The following EFCAB6 variants were observed in gnomAD, a reference collection of about 807,000 sequenced individuals.
The protein encoded by EFCAB6 is EF-hand calcium binding domain 6.
In EFCAB6, 156 loss-of-function variants were observed where a neutral mutation model predicts 169.8. The ratio of observed to expected loss-of-function variants is 0.92; its 90% CI spans 0.81 to 1.05. The LOEUF is 1.05. Among genes scored for constraint, EFCAB6 ranks in the 50% least tolerant of loss-of-function variants. EFCAB6 has a pLI of 0.00. For synonymous variants in EFCAB6, 698 were observed against 676.4 expected (o/e 1.03, Z -0.50); for missense variants, 1,800 against 1,829.1 (o/e 0.98, Z 0.29).
chr22:43,665,760 G>T (rs1452077745), intron 17 of EFCAB6, among the ~76,000 whole-genome samples: 2 of 152,200 alleles, frequency 1.3e-5, no homozygotes, highest in African/African-American at 2.4e-5. Context: ...ATCTGGGAAT[G>T]ACTTAAAACA....
intron 23 of EFCAB6, 96 bp from the exon 24 acceptor site, chr22:43,590,325 G>A: frequency 7.2e-7 from 1 of 1,381,110 alleles, no homozygotes; most frequent in African/African-American, 1.4e-5. Context: ...GCAATGAGCT[G>A]ATGGCTCATC....
intron 4 of EFCAB6, 85 bp from the exon 5 acceptor site, chr22:43,765,478 T>C: frequency 1.0e-6 from 1 of 992,734 alleles, no homozygotes; most frequent in Non-Finnish European, 1.6e-6. Context: ...AAATCACAGC[T>C]CTCAGGATGT....
chr22:43,750,961 G>T (rs2060736354), intron 6 of EFCAB6, among the ~76,000 whole-genome samples: 1 of 152,118 alleles, frequency 6.6e-6, no homozygotes, highest in African/African-American at 2.4e-5. Flanking sequence ...AAAAACCTGT[G>T]TCAGATCACT....
At chr22:43,615,987 G>C (rs2053660515) in intron 20 of EFCAB6, 65 bp from the exon 21 acceptor site, 2 of 1,365,682 alleles carry the variant, frequency 1.5e-6, no homozygotes, top group South Asian at 2.6e-5. Flanking sequence ...TCTCCCAAGG[G>C]GTTTCCCTAT....
rs867662256 is a variant in EFCAB6 at position 43,784,624 on chromosome 22, C to T, written c.-7-2299G>A. ...ACACATATATATGTGTATATATACA[C>T]ATATATATGTATATGTACACATATA... On this transcript the variant is annotated intron_variant, in intron 2 of 31. Coordinates refer to ENST00000262726, the MANE Select transcript of EFCAB6 (RefSeq NM_022785.4). Among the ~76,000 whole-genome samples, 15 of 60,328 alleles carry T rather than the reference C, an allele frequency of 2.5e-4. 1 individual carries two copies. Among genetic ancestry groups the T allele is most frequent in the African/African-American group, 7.8e-4 (11 of 14,076 alleles). 39.6% of individuals were successfully genotyped at this position (60,328 alleles called of 152,430 possible).
intron 22 of EFCAB6, among the ~76,000 whole-genome samples, chr22:43,606,439 G>T (rs1049767750): frequency 1.3e-5 from 2 of 152,122 alleles, no homozygotes; most frequent in Non-Finnish European, 2.9e-5. Context: ...TGAAGAAAGG[G>T]TGTGTTAAAT....
At chr22:43,609,871 C>G (rs975219419) in intron 21 of EFCAB6, among the ~76,000 whole-genome samples, 3 of 152,130 alleles carry the variant, frequency 2.0e-5, no homozygotes, top group African/African-American at 4.8e-5. Flanking sequence ...ATCAGGGGAA[C>G]AGAATGAGGA....
Position 43,576,465 on chromosome 22 carries a change from C to A in EFCAB6, c.3252G>T (p.Glu1084Asp). 1.3e-6 allele frequency: 2 copies of A among 1,550,136 alleles called. No individual in the cohort carries two copies. Among genetic ancestry groups the A allele is most frequent in the Non-Finnish European group, 1.7e-6 (2 of 1,157,786 alleles). The change falls in exon 26 of 32, where the codon GAG becomes GAT. Residue 1084 changes from glutamate (E) to aspartate (D), a missense_variant. Transcript: ENST00000262726. ...LSTAFSALDK[E>D]DTGFVKATEF... ...CTGTAGCCTTTACAAATCCTGTATC[C>A]TCTTTATCCAATGCAGAAAATGCCT...
intron 23 of EFCAB6, among the ~76,000 whole-genome samples, chr22:43,593,177 C>T (rs1157450739): frequency 6.6e-6 from 1 of 152,152 alleles, no homozygotes; most frequent in Non-Finnish European, 1.5e-5. Flanking sequence ...TTTTTACAAG[C>T]CGATATTTTT....
Position 43,716,884 on chromosome 22 carries a change from G to A in EFCAB6, c.846C>T (p.Tyr282=). 6.2e-7 allele frequency: 1 copy of A among 1,603,530 alleles called. No individual in the cohort carries two copies. Among genetic ancestry groups the A allele is most frequent in the Non-Finnish European group, 8.5e-7 (1 of 1,175,482 alleles). Residue 282 remains tyrosine (Y), a synonymous_variant, in exon 9 of 32, where the codon TAC becomes TAT. Coordinates refer to ENST00000262726, the MANE Select transcript of EFCAB6 (RefSeq NM_022785.4). ...AGTTCCTCTCAATTTCATCCAAGGA[G>A]TAGTTTCTCCAGATATCTTCAGATG... ...SASSEDIWRN[Y]SLDEIERNFC...
intron 21 of EFCAB6, among the ~76,000 whole-genome samples, chr22:43,613,493 T>C (rs2053470051): frequency 6.6e-6 from 1 of 152,080 alleles, no homozygotes; most frequent in Admixed American, 6.6e-5. Flanking sequence ...TAACATCCTT[T>C]GAAAATTAAT....
At position 43,612,153 on chromosome 22, in the gene EFCAB6, C is replaced by T. The variant is rs116383090; in HGVS notation, c.2563-3553G>A. Reference sequence around the variant, plus strand: ...GGCCCCTTCCTTATAACAAATACCCCTTCCTTATAACAGAAAATAAACTCA... The same window carrying T: ...GGCCCCTTCCTTATAACAAATACCCTTTCCTTATAACAGAAAATAAACTCA... On this transcript the variant is annotated intron_variant, in intron 21 of 31. Transcript: ENST00000262726. 2.0e-3 allele frequency among the ~76,000 whole-genome samples: 311 copies of T among 152,252 alleles called. 2 individuals carry two copies. Among genetic ancestry groups the T allele is most frequent in the Middle Eastern group, 0.02 (6 of 294 alleles).
chr22:43,772,401 A>T (rs2061499746), intron 4 of EFCAB6, among the ~76,000 whole-genome samples: 1 of 152,220 alleles, frequency 6.6e-6, no homozygotes, highest in Admixed American at 6.5e-5. Context: ...GCACTTTGGG[A>T]GGCCAAGGCA....
At chr22:43,616,651 C>T (rs142868372) in intron 20 of EFCAB6, among the ~76,000 whole-genome samples, 13 of 152,096 alleles carry the variant, frequency 8.5e-5, no homozygotes, top group East Asian at 1.9e-4. Flanking sequence ...GGGGAGAGCA[C>T]GAGACTCCAT....
At chr22:43,731,398 T>C (rs988980349) in intron 8 of EFCAB6, among the ~76,000 whole-genome samples, 4 of 152,216 alleles carry the variant, frequency 2.6e-5, no homozygotes, top group Non-Finnish European at 5.9e-5. Context: ...CCTGAGTATT[T>C]TGGAATATTT....
At chr22:43,592,552 G>A (rs187834054) in intron 23 of EFCAB6, among the ~76,000 whole-genome samples, 11 of 152,282 alleles carry the variant, frequency 7.2e-5, no homozygotes, top group African/African-American at 1.2e-4. Flanking sequence ...GAGTAAATAT[G>A]TGCACAGAGT....
intron 2 of EFCAB6, among the ~76,000 whole-genome samples, chr22:43,808,525 G>T (rs1303813994): frequency 1.3e-5 from 2 of 152,192 alleles, no homozygotes; most frequent in Non-Finnish European, 2.9e-5. Flanking sequence ...CTGCTCCAAA[G>T]GTGTAGATGG....
At chr22:43,662,159 A>AAATAATAAT (rs55680208) in intron 17 of EFCAB6, among the ~76,000 whole-genome samples, 115 of 137,174 alleles carry the variant, frequency 8.4e-4, no homozygotes, top group African/African-American at 9.9e-4. Context: ...CTCCATTTCA[A>AAATAATAAT]AATAATAATA....
At chr22:43,720,272 C>G (rs897469904) in intron 8 of EFCAB6, among the ~76,000 whole-genome samples, 15 of 151,710 alleles carry the variant, frequency 9.9e-5, no homozygotes, top group African/African-American at 3.6e-4. Flanking sequence ...AATCCCAGCA[C>G]TTTGAGAGAC....
Sources: gnomAD v4.1 joint callset for allele counts (sites outside exome capture counted in the v4.1 genomes callset) on GRCh38, gnomAD v4.1.1 for gene constraint, MANE v1.5 for transcripts, NCBI Gene and HGNC (gene_info 2026-07-23, HGNC 2026-07-21) for gene names.